The following TSPAN9 variants were observed in gnomAD, a reference collection of about 807,000 sequenced individuals.
The protein encoded by TSPAN9 is tetraspanin-9.
A neutral mutation model predicts 31.0 loss-of-function variants in TSPAN9; 16 were observed. That is an observed-to-expected ratio of 0.52 (90% CI 0.35 to 0.78). The LOEUF (loss-of-function observed/expected upper bound fraction) is 0.78. Among genes scored for constraint, TSPAN9 ranks in the 30% least tolerant of loss-of-function variants. The pLI is 0.01. For missense variants in TSPAN9, 272 were observed against 312.5 expected, an observed-to-expected ratio of 0.87 and a Z score of 0.98; for synonymous variants, 145 against 121.6, an observed-to-expected ratio of 1.19 and a Z score of -1.27.
At chr12:3,235,243 T>A (rs1207678888) in intron 3 of TSPAN9, among the ~76,000 whole-genome samples, 1 of 33,116 alleles carries the variant, frequency 3.0e-5, no homozygotes, top group African/African-American at 1.1e-4. Flanking sequence ...TATATATATA[T>A]ATATATATAT....
chr12:3,223,366 G>T (rs569870316), intron 3 of TSPAN9, among the ~76,000 whole-genome samples: 1 of 152,310 alleles, frequency 6.6e-6, no homozygotes, highest in South Asian at 2.1e-4. Flanking sequence ...GTCACGAATG[G>T]ATTTGACGGG....
intron 2 of TSPAN9, among the ~76,000 whole-genome samples, chr12:3,197,489 G>A (rs2098367624): frequency 6.6e-6 from 1 of 152,140 alleles, no homozygotes; most frequent in Non-Finnish European, 1.5e-5. Flanking sequence ...TTTATTCTTG[G>A]GCTCCCCATC....
At chr12:3,211,725 G>A (rs967453077) in intron 3 of TSPAN9, 8 of 1,596,994 alleles carry the variant, frequency 5.0e-6, no homozygotes, top group East Asian at 2.2e-5. Flanking sequence ...CCTGTAGGCT[G>A]GCAGAGGACA....
chr12:3,239,912 G>A (rs544989780), intron 3 of TSPAN9, among the ~76,000 whole-genome samples: 10 of 152,106 alleles, frequency 6.6e-5, no homozygotes, highest in South Asian at 2.1e-4. Flanking sequence ...GACTATATAG[G>A]GGGGGGACGA....
intron 3 of TSPAN9, among the ~76,000 whole-genome samples, chr12:3,263,462 TCTC>T (rs1862486685): frequency 6.6e-6 from 1 of 152,188 alleles, no homozygotes. Flanking sequence ...AGATGGCCCT[TCTC>T]CTCCATATGC....
At position 3,148,400 on chromosome 12, in the gene TSPAN9, C is replaced by A. The variant is rs543580176; in HGVS notation, c.-17-52777C>A. On this transcript the variant is annotated intron_variant, in intron 2 of 8. Coordinates refer to ENST00000011898, the MANE Select transcript of TSPAN9 (RefSeq NM_006675.5). Reference sequence around the variant, plus strand: ...TGAATTTCTCAGACTCTCAGGCCAACACCCACACTGCCAGCTCATGGCATC... The same window carrying A: ...TGAATTTCTCAGACTCTCAGGCCAAAACCCACACTGCCAGCTCATGGCATC... 9.4e-4 allele frequency among the ~76,000 whole-genome samples: 143 copies of A among 152,378 alleles called. 2 individuals carry two copies. The highest frequency in any genetic ancestry group is 3.3e-3 in the African/African-American group (137 of 41,592).
chr12:3,257,670 C>T (rs990393260), intron 3 of TSPAN9, among the ~76,000 whole-genome samples: 11 of 150,974 alleles, frequency 7.3e-5, no homozygotes, highest in Non-Finnish European at 1.3e-4. Flanking sequence ...GCAGGGTTCC[C>T]AGAGGCAGCC....
chr12:3,095,364 C>T (rs969687544), intron 2 of TSPAN9, among the ~76,000 whole-genome samples: 2 of 150,916 alleles, frequency 1.3e-5, no homozygotes, highest in Admixed American at 1.3e-4. Context: ...TCATCCTGGC[C>T]CGTTCTCAAT....
chr12:3,195,376 T>G (rs2098366544), intron 2 of TSPAN9, among the ~76,000 whole-genome samples: 1 of 152,208 alleles, frequency 6.6e-6, no homozygotes, highest in South Asian at 2.1e-4. Context: ...TTTCATTTAT[T>G]CACTTTTCTT....
chr12:3,174,223 A>G (rs1334546724), intron 2 of TSPAN9, among the ~76,000 whole-genome samples: 4 of 151,958 alleles, frequency 2.6e-5, no homozygotes, highest in Non-Finnish European at 1.5e-5. Flanking sequence ...ACATGCCACC[A>G]TACCTGGCTA....
intron 3 of TSPAN9, among the ~76,000 whole-genome samples, chr12:3,244,916 T>C (rs1397450438): frequency 2.0e-5 from 3 of 152,158 alleles, no homozygotes; most frequent in Non-Finnish European, 4.4e-5. Context: ...CATCCAGTAT[T>C]GTGCTGTGGT....
chr12:3,096,485 C>T (rs1591626030), intron 2 of TSPAN9, among the ~76,000 whole-genome samples: 1 of 151,950 alleles, frequency 6.6e-6, no homozygotes, highest in African/African-American at 2.4e-5. Flanking sequence ...CTGGTGCTTT[C>T]CCTGTTTTCT....
intron 3 of TSPAN9, among the ~76,000 whole-genome samples, chr12:3,203,373 T>C (rs539978628): frequency 6.6e-6 from 1 of 152,318 alleles, no homozygotes; most frequent in East Asian, 1.9e-4. Context: ...TGAGTTCCAC[T>C]TGATGGGGAA....
At chr12:3,118,055 G>C (rs1454686950) in intron 2 of TSPAN9, among the ~76,000 whole-genome samples, 2 of 142,538 alleles carry the variant, frequency 1.4e-5, no homozygotes, top group African/African-American at 5.1e-5. Context: ...TGTGACATGG[G>C]AAGCTATTTA....
At chr12:3,207,286 TC>T (rs1231405807) in intron 3 of TSPAN9, among the ~76,000 whole-genome samples, 1 of 151,956 alleles carries the variant, frequency 6.6e-6, no homozygotes, top group Non-Finnish European at 1.5e-5. Context: ...CCCTGTTTTC[TC>T]CCCCCTTTCC....
At chr12:3,279,828 C>T (rs750078644) in intron 5 of TSPAN9, among the ~76,000 whole-genome samples, 18 of 152,210 alleles carry the variant, frequency 1.2e-4, no homozygotes, top group Admixed American at 3.9e-4. Flanking sequence ...TTTCTCTGTG[C>T]CAGCCCTGTT....
intron 3 of TSPAN9, among the ~76,000 whole-genome samples, chr12:3,250,417 T>G (rs1862226490): frequency 6.6e-6 from 1 of 152,218 alleles, no homozygotes; most frequent in African/African-American, 2.4e-5. Flanking sequence ...TTTTCCAGAA[T>G]GGAGTTCATG....
Position 3,187,648 on chromosome 12 carries a change from G to C in TSPAN9, c.-17-13529G>C, listed in dbSNP as rs2098362089. 6.6e-6 allele frequency among the ~76,000 whole-genome samples: 1 copy of C among 152,172 alleles called. No homozygotes were observed. The highest frequency in any genetic ancestry group is 1.9e-4 in the East Asian group (1 of 5,188). ...ATCTTGCAGGGGTGGGTGAGGGCCAGATGTGATCATTAGTGTGAGAGCCCC... is the reference window on the plus strand; with the variant it reads ...ATCTTGCAGGGGTGGGTGAGGGCCACATGTGATCATTAGTGTGAGAGCCCC... On this transcript the variant is annotated intron_variant, in intron 2 of 8. Transcript: ENST00000011898. The surrounding 1 kb of genome is among the most constrained non-coding windows in gnomAD (Gnocchi z 5.2).
At chr12:3,258,763 G>A (rs533860631) in intron 3 of TSPAN9, among the ~76,000 whole-genome samples, 1 of 152,252 alleles carries the variant, frequency 6.6e-6, no homozygotes, top group African/African-American at 2.4e-5. Flanking sequence ...GGGTTGACCT[G>A]GGGCCAGACT....
Sources: gnomAD v4.1 joint callset for allele counts (sites outside exome capture counted in the v4.1 genomes callset) on GRCh38, gnomAD v4.1.1 for gene constraint, Gnocchi (gnomAD v3.1) non-coding constraint, MANE v1.5 for transcripts, NCBI Gene and HGNC (gene_info 2026-07-23, HGNC 2026-07-21) for gene names.